SEMA3A: variants seen among roughly 807,000 people sequenced by gnomAD.
The protein encoded by SEMA3A is semaphorin 3A, also known as semaphorin-3A.
Under a neutral mutation model 97.9 loss-of-function variants are expected in SEMA3A, and 29 were observed. The ratio of observed to expected loss-of-function variants is 0.30; its 90% confidence interval spans 0.22 to 0.40. SEMA3A has a LOEUF of 0.40. SEMA3A is among the 10% of genes least tolerant of loss of function. The probability of loss-of-function intolerance (pLI) is 1.00; values close to 1 mark genes in which losing one functional copy is unlikely to be tolerated. For synonymous variants in SEMA3A, 321 were observed against 323.7 expected (o/e 0.99, Z 0.09); for missense variants, 763 against 951.3 (o/e 0.80, Z 2.60).
At chr7:84,311,516 G>A (rs1020912763) in intron 2 of SEMA3A, among the ~76,000 whole-genome samples, 4 of 151,734 alleles carry the variant, frequency 2.6e-5, no homozygotes, top group African/African-American at 9.7e-5. Context: ...CAGATTACAG[G>A]GTTTTTTGTG....
intron 4 of SEMA3A, among the ~76,000 whole-genome samples, chr7:84,062,853 G>A (rs1266024386): frequency 5.0e-5 from 5 of 99,470 alleles, no homozygotes; most frequent in African/African-American, 6.7e-5. Flanking sequence ...AGGGGCGTCC[G>A]CCATTGCCAA....
intron 1 of SEMA3A, among the ~76,000 whole-genome samples, chr7:84,151,681 C>A (rs1287174811): frequency 6.6e-6 from 1 of 152,100 alleles, no homozygotes. Context: ...CAACAAAAGA[C>A]AAAATTGACA....
chr7:84,430,793 G>GTGTCTT (rs2116318172), intron 1 of SEMA3A, among the ~76,000 whole-genome samples: 1 of 101,192 alleles, frequency 9.9e-6, no homozygotes, highest in East Asian at 3.7e-4. Flanking sequence ...TAAAATTTGT[G>GTGTCTT]TGTGTGTGTG....
intron 1 of SEMA3A, among the ~76,000 whole-genome samples, chr7:84,447,101 C>T (rs376146317): frequency 5.1e-4 from 78 of 152,176 alleles, no homozygotes; most frequent in Non-Finnish European, 9.0e-4. Flanking sequence ...CGAGCCCAGG[C>T]GCCATCACGA....
At chr7:84,142,129 GA>G (rs1431466591) in intron 1 of SEMA3A, among the ~76,000 whole-genome samples, 3 of 152,110 alleles carry the variant, frequency 2.0e-5, no homozygotes, top group African/African-American at 4.8e-5. Flanking sequence ...TGTGTAATGT[GA>G]AAAGTATTTA....
At chr7:84,256,935 AAAAGACTAAT>A (rs1269370602) in intron 3 of SEMA3A, among the ~76,000 whole-genome samples, 2 of 152,098 alleles carry the variant, frequency 1.3e-5, no homozygotes, top group Non-Finnish European at 2.9e-5. Context: ...ACCAGAATCC[AAAAGACTAAT>A]ATATTATATT....
upstream of SEMA3A, chr7:84,195,117 A>G (rs2116281171): frequency 6.6e-6 from 1 of 152,404 alleles, no homozygotes; most frequent in East Asian, 1.9e-4. Flanking sequence ...GATCCCACAG[A>G]CAGGTTTCCC....
intron 2 of SEMA3A, among the ~76,000 whole-genome samples, chr7:84,132,866 G>A (rs903098680): frequency 1.3e-5 from 2 of 151,638 alleles, no homozygotes; most frequent in African/African-American, 4.8e-5. Flanking sequence ...AGTAGAGACA[G>A]GTTTCACCAT....
chr7:84,001,795 T>C (rs936822043), intron 12 of SEMA3A, among the ~76,000 whole-genome samples, 160 bp downstream of exon 12: 3 of 152,092 alleles, frequency 2.0e-5, no homozygotes, highest in Non-Finnish European at 2.9e-5. Flanking sequence ...ATTGAAAGTT[T>C]CAAGGTTTAT....
intron 4 of SEMA3A, among the ~76,000 whole-genome samples, chr7:84,073,958 A>G (rs952232046): frequency 6.6e-6 from 1 of 152,014 alleles, no homozygotes; most frequent in Non-Finnish European, 1.5e-5. Context: ...AGTCATGGTA[A>G]GGCAAAGGTC....
chr7:84,461,207 T>C (rs1010119551), intron 1 of SEMA3A, among the ~76,000 whole-genome samples: 15 of 152,156 alleles, frequency 9.9e-5, no homozygotes, highest in African/African-American at 3.1e-4. Context: ...ATTAAATATG[T>C]TGATAAATGT....
chr7:84,453,727 C>T (rs1008012178), intron 1 of SEMA3A, among the ~76,000 whole-genome samples: 4 of 152,110 alleles, frequency 2.6e-5, no homozygotes, highest in African/African-American at 4.8e-5. Context: ...GTAATAAGTA[C>T]TCTGTAACTT....
chr7:84,409,879 T>C (rs1804211734), intron 1 of SEMA3A, among the ~76,000 whole-genome samples: 1 of 152,128 alleles, frequency 6.6e-6, no homozygotes, highest in Non-Finnish European at 1.5e-5. Flanking sequence ...ATTTATGCAT[T>C]GCTTTCCACG....
chr7:84,277,839 C>A (rs1397593256), intron 3 of SEMA3A, among the ~76,000 whole-genome samples: 2 of 152,034 alleles, frequency 1.3e-5, no homozygotes, highest in East Asian at 1.9e-4. Flanking sequence ...GCCTTGGAGG[C>A]CTTTTTTCCA....
At chr7:84,312,859 T>C (rs928729527) in intron 2 of SEMA3A, among the ~76,000 whole-genome samples, 2 of 129,732 alleles carry the variant, frequency 1.5e-5, no homozygotes, top group Non-Finnish European at 3.2e-5. Context: ...TCAGAGGATA[T>C]TTTGGTGTTG....
chr7:84,199,133 G>T (rs1384722734), upstream of SEMA3A, among the ~76,000 whole-genome samples: 1 of 152,052 alleles, frequency 6.6e-6, no homozygotes, highest in Non-Finnish European at 1.5e-5. Context: ...TACTTTCCTT[G>T]GTTATACATA....
intron 4 of SEMA3A, 22 bp from the exon 5 acceptor site, chr7:84,060,580 A>C: frequency 6.7e-7 from 1 of 1,491,468 alleles, no homozygotes; most frequent in Non-Finnish European, 9.0e-7. Context: ...AAAAAGAAAG[A>C]GAAAAGGGTT....
chr7:84,380,452 A>G (rs192431477), intron 1 of SEMA3A, among the ~76,000 whole-genome samples: 21 of 152,296 alleles, frequency 1.4e-4, no homozygotes, highest in African/African-American at 2.2e-4. Flanking sequence ...GAAAACTCTG[A>G]GTACTATTCA....
chr7:84,173,759 C>T (rs1461936848), intron 1 of SEMA3A, among the ~76,000 whole-genome samples: 1 of 151,998 alleles, frequency 6.6e-6, no homozygotes, highest in African/African-American at 2.4e-5. Context: ...AGATGGGTAC[C>T]AGCCCATGGC....
Sources: allele counts gnomAD v4.1 joint callset (sites outside exome capture counted in the v4.1 genomes callset), GRCh38; gene constraint gnomAD v4.1.1; transcripts MANE v1.5; gene names NCBI Gene and HGNC (gene_info 2026-07-23, HGNC 2026-07-21).